SLC49A4: variants seen among roughly 807,000 people sequenced by gnomAD.
The protein encoded by SLC49A4 is disrupted in renal cancer protein 2.
SLC49A4 carries 36 observed loss-of-function variants against 50.6 expected under a neutral mutation model. The observed-to-expected ratio is 0.71, with a 90% CI of 0.55 to 0.94. The LOEUF is 0.94. SLC49A4 is among the 40% of genes least tolerant of loss of function. SLC49A4 has a pLI of 0.00. For missense variants in SLC49A4, 503 were observed against 605.7 expected, an observed-to-expected ratio of 0.83 and a Z score of 1.78; for synonymous variants, 248 against 241.2, an observed-to-expected ratio of 1.03 and a Z score of -0.26.
At chr3:122,854,002 T>C (rs986405657) in intron 5 of SLC49A4, among the ~76,000 whole-genome samples, 2 of 152,190 alleles carry the variant, frequency 1.3e-5, no homozygotes, top group Non-Finnish European at 2.9e-5. Flanking sequence ...AGTAGAAAAG[T>C]ACTAAATGTT....
At chr3:122,877,631 A>G (rs1044514346) in intron 8 of SLC49A4, among the ~76,000 whole-genome samples, 1 of 152,216 alleles carries the variant, frequency 6.6e-6, no homozygotes, top group East Asian at 1.9e-4. Context: ...GTCAATTACC[A>G]TACTTTTTTT....
intron 7 of SLC49A4, among the ~76,000 whole-genome samples, chr3:122,862,728 A>G (rs1463934595): frequency 5.3e-5 from 8 of 152,222 alleles, no homozygotes; most frequent in African/African-American, 1.9e-4. Context: ...TTTCCCTTGA[A>G]TTAAGTGTAG....
intron 1 of SLC49A4, among the ~76,000 whole-genome samples, chr3:122,802,089 A>T (rs1936142180): frequency 6.6e-6 from 1 of 152,196 alleles, no homozygotes; most frequent in South Asian, 2.1e-4. Flanking sequence ...AGAAAGGAGG[A>T]TCACTTCAGG....
chr3:122,825,301 A>G (rs1936510764), intron 2 of SLC49A4, among the ~76,000 whole-genome samples: 2 of 152,206 alleles, frequency 1.3e-5, no homozygotes, highest in Admixed American at 1.3e-4. Context: ...CTGTAATAAA[A>G]TTGCTGTGGG....
intron 3 of SLC49A4, among the ~76,000 whole-genome samples, chr3:122,832,681 G>T (rs1470012451): frequency 6.6e-6 from 1 of 152,010 alleles, no homozygotes; most frequent in Non-Finnish European, 1.5e-5. Context: ...GTAAGGTACT[G>T]TTGGCTTTTA....
Position 122,795,324 on chromosome 3 carries a change from C to T in SLC49A4, c.132C>T (p.Pro44=), listed in dbSNP as rs1273037547. The T allele has an allele frequency of 1.3e-6, 2 of 1,512,094 alleles. No homozygotes were observed. Among genetic ancestry groups the T allele is most frequent in the African/African-American group, 1.5e-5 (1 of 68,588 alleles). The allele number at this position is 1,512,094 out of a possible 1,614,324, so 93.7% of individuals were successfully genotyped here. A position where few individuals can be genotyped will look rare whatever the true frequency, so the allele number is the denominator to read the frequency against. Residue 44 remains proline, a synonymous_variant, in exon 1 of 9, where the codon CCC becomes CCT. Transcript: ENST00000261038. The part of the protein sequence containing the change: ...AAALPAAVPG[P]GRVYGRRWLV... ...CGCTGCCCGCGGCGGTCCCGGGTCC[C>T]GGGCGGGTATACGGGCGCCGCTGGC...
chr3:122,825,708 A>G (rs1936516819), intron 2 of SLC49A4, among the ~76,000 whole-genome samples: 1 of 94,524 alleles, frequency 1.1e-5, no homozygotes, highest in Non-Finnish European at 2.7e-5. Flanking sequence ...AGATGAGTTC[A>G]TATCATGAAA....
chr3:122,878,484 G>A (rs1337980343), intron 8 of SLC49A4, among the ~76,000 whole-genome samples: 1 of 152,210 alleles, frequency 6.6e-6, no homozygotes, highest in African/African-American at 2.4e-5. Context: ...TGGTCAGTGT[G>A]TGTTGGTAGC....
intron 3 of SLC49A4, among the ~76,000 whole-genome samples, chr3:122,829,923 A>C (rs1030729533): frequency 6.6e-6 from 1 of 152,230 alleles, no homozygotes; most frequent in African/African-American, 2.4e-5. Flanking sequence ...TCTCTGTTGA[A>C]AATGATCTTG....
At chr3:122,875,445 G>A (rs576611577) in intron 8 of SLC49A4, among the ~76,000 whole-genome samples, 1 of 152,246 alleles carries the variant, frequency 6.6e-6, no homozygotes, top group Non-Finnish European at 1.5e-5. Context: ...TGGCCTCCCA[G>A]CCTCAAGTGA....
At chr3:122,851,339 G>A (rs900316326) in intron 5 of SLC49A4, among the ~76,000 whole-genome samples, 5 of 151,996 alleles carry the variant, frequency 3.3e-5, no homozygotes, top group African/African-American at 1.2e-4. Flanking sequence ...AAATTCTTTA[G>A]TTTGGTGTTT....
intron 1 of SLC49A4, among the ~76,000 whole-genome samples, chr3:122,805,153 A>G (rs768841056): frequency 6.6e-6 from 1 of 152,194 alleles, no homozygotes; most frequent in Non-Finnish European, 1.5e-5. Context: ...ACGTTTCATT[A>G]ATTGCACTCT....
chr3:122,839,755 T>G (rs926282111), intron 4 of SLC49A4, among the ~76,000 whole-genome samples: 1 of 152,168 alleles, frequency 6.6e-6, no homozygotes, highest in Non-Finnish European at 1.5e-5. Context: ...TTGACATGGA[T>G]GTGGTGAAAA....
At position 122,802,215 on chromosome 3, in the gene SLC49A4, C is replaced by T. The variant is rs774564305; in HGVS notation, c.344-4642C>T. Among the ~76,000 whole-genome samples the T allele has an allele frequency of 7.9e-4, 120 of 152,072 alleles. 2 individuals are homozygous for T. The highest frequency in any genetic ancestry group is 4.2e-4 in the South Asian group (2 of 4,808). ...AAAACAATGGTTTTCAAACATTGGGCGACAGGCAGGGCAGGACAGGGCAGT... is the reference window on the plus strand; with the variant it reads ...AAAACAATGGTTTTCAAACATTGGGTGACAGGCAGGGCAGGACAGGGCAGT... On this transcript the variant is annotated intron_variant, in intron 1 of 8. Transcript: ENST00000261038.
intron 7 of SLC49A4, among the ~76,000 whole-genome samples, chr3:122,862,101 C>T (rs993495174): frequency 1.3e-5 from 2 of 152,158 alleles, no homozygotes; most frequent in Non-Finnish European, 2.9e-5. Flanking sequence ...CGCATCAGTG[C>T]ACACATCTCA....
At chr3:122,859,767 C>T (rs113745352) in intron 6 of SLC49A4, among the ~76,000 whole-genome samples, 5 of 152,002 alleles carry the variant, frequency 3.3e-5, no homozygotes, top group African/African-American at 9.7e-5. Context: ...TGCAGTGAGC[C>T]GTGATCACAT....
At chr3:122,877,955 A>G (rs1252630724) in intron 8 of SLC49A4, among the ~76,000 whole-genome samples, 2 of 152,218 alleles carry the variant, frequency 1.3e-5, no homozygotes, top group African/African-American at 2.4e-5. Context: ...GTTACATACT[A>G]TAGAATAGCA....
intron 2 of SLC49A4, among the ~76,000 whole-genome samples, chr3:122,813,229 A>C (rs1936323457): frequency 1.3e-5 from 2 of 148,210 alleles, no homozygotes. Flanking sequence ...CGATAGAGCG[A>C]GACTCTGTCT....
rs1936988428 is a variant in SLC49A4, at chr3:122,856,289, C to T, written c.943-18C>T. On this transcript the variant is annotated intron_variant, in intron 5 of 8. Coordinates refer to ENST00000261038, the MANE Select transcript of SLC49A4 (RefSeq NM_032839.3). ...TATGATTGTCTTGTATTAAATGTGT[C>T]TGCTTCTTTCTTAACAGGTAGATGC... 1 of 1,612,888 alleles carries T rather than the reference C, an allele frequency of 6.2e-7. No homozygotes were observed. Among genetic ancestry groups the T allele is most frequent in the South Asian group, 1.1e-5 (1 of 90,944 alleles).
Sources: gnomAD v4.1 joint callset for allele counts (sites outside exome capture counted in the v4.1 genomes callset) on GRCh38, gnomAD v4.1.1 for gene constraint, MANE v1.5 for transcripts, NCBI Gene and HGNC (gene_info 2026-07-23, HGNC 2026-07-21) for gene names.